Variants in SCAMP4 observed in about 807,000 individuals in gnomAD.
SCAMP4 encodes the protein secretory carrier-associated membrane protein 4.
In SCAMP4, 19 loss-of-function variants were observed where a neutral mutation model predicts 32.1. That is an observed-to-expected ratio of 0.59 (90% CI 0.41 to 0.87). SCAMP4 has a LOEUF of 0.87. SCAMP4 is among the 40% of genes least tolerant of loss of function. The pLI, the probability that SCAMP4 is intolerant of heterozygous loss-of-function variation, is 0.00. For synonymous variants in SCAMP4, 152 were observed against 132.7 expected (o/e 1.15, Z -1.00); for missense variants, 302 against 309.0 (o/e 0.98, Z 0.17).
At chr19:1,921,753 G>A in intron 5 of SCAMP4, 1 of 983,470 alleles carries the variant, frequency 1.0e-6, no homozygotes, top group Non-Finnish European at 1.2e-6. Context: ...CAAAGCAGGA[G>A]AATCACTGCT....
At chr19:1,909,613 G>T (rs923473738) in intron 1 of SCAMP4, among the ~76,000 whole-genome samples, 8 of 151,884 alleles carry the variant, frequency 5.3e-5, no homozygotes, top group Non-Finnish European at 1.2e-4. Context: ...CTGTGCCAGC[G>T]GCAGGGATGG....
Position 1,924,532 on chromosome 19 carries a change from T to G in SCAMP4, c.*248T>G. On this transcript the variant is annotated 3_prime_UTR_variant, in exon 7 of 7. Transcript: ENST00000316097. Reference sequence around the variant, plus strand: ...CCTCTGCCGTCCACAGGACGCCCTCTTGCTCCCGGAAACGTGTGGTCACCC... The same window carrying G: ...CCTCTGCCGTCCACAGGACGCCCTCGTGCTCCCGGAAACGTGTGGTCACCC... The G allele has an allele frequency of 1.9e-6, 1 of 528,866 alleles. No homozygotes were observed. Among genetic ancestry groups the G allele is most frequent in the Non-Finnish European group, 3.5e-6 (1 of 289,510 alleles). 32.8% of individuals were successfully genotyped at this position (528,866 alleles called of 1,614,324 possible). A position where few individuals can be genotyped will look rare whatever the true frequency, so the allele number is the denominator to read the frequency against.
chr19:1,916,977 C>G (rs1018595086), intron 2 of SCAMP4, among the ~76,000 whole-genome samples: 2 of 152,198 alleles, frequency 1.3e-5, no homozygotes, highest in African/African-American at 4.8e-5. Context: ...AGTAGCAGGG[C>G]CCTGCATGAA....
intron 5 of SCAMP4, chr19:1,921,013 A>G: frequency 2.0e-6 from 2 of 985,404 alleles, no homozygotes; most frequent in South Asian, 9.4e-5. Context: ...ACAGAAGGTG[A>G]ACGCTCTTGA....
At position 1,914,470 on chromosome 19, in the gene SCAMP4, C is replaced by T. The variant is rs143471705; in HGVS notation, c.-41-509C>T. 88 of 171,414 alleles carry T rather than the reference C, an allele frequency of 5.1e-4. No homozygotes were observed. The East Asian group carries it at 7.1e-3, about 14-fold the overall frequency. 10.6% of individuals were successfully genotyped at this position (171,414 alleles called of 1,614,324 possible). A position where few individuals can be genotyped will look rare whatever the true frequency, so the allele number is the denominator to read the frequency against. On this transcript the variant is annotated intron_variant, in intron 1 of 6. Transcript: ENST00000316097. ...GCATGCCCCTGCTGGGCTGGCCCAC[C>T]TCCCGATGGCAGGTCCGCCCCCAGG...
chr19:1,912,504 G>A (rs1041657364), intron 1 of SCAMP4: 2 of 1,496,290 alleles, frequency 1.3e-6, no homozygotes, highest in Admixed American at 4.4e-5. Context: ...TCTGACCAGG[G>A]GCCAGTTCGA....
chr19:1,919,184 T>A (rs1304067245), intron 5 of SCAMP4, 194 bp downstream of exon 5: 19 of 1,424,540 alleles, frequency 1.3e-5, no homozygotes, highest in Non-Finnish European at 1.7e-5. Context: ...CACCCAGCCA[T>A]GGTTCGCGAT....
chr19:1,912,843 T>C, intron 1 of SCAMP4: 3 of 1,594,952 alleles, frequency 1.9e-6, no homozygotes, highest in Non-Finnish European at 2.6e-6. Flanking sequence ...CCCCGCCTGC[T>C]CCTTCGCCCC....
chr19:1,905,596 G>A (rs1283710033), intron 1 of SCAMP4, 157 bp downstream of exon 1: 2 of 168,752 alleles, frequency 1.2e-5, no homozygotes, highest in African/African-American at 4.8e-5. Context: ...TCTCGGGCGG[G>A]CCGGTGGGCG....
At chr19:1,912,767 C>G (rs762366523) in intron 1 of SCAMP4, 2 of 1,561,342 alleles carry the variant, frequency 1.3e-6, no homozygotes, top group Middle Eastern at 3.3e-4. Flanking sequence ...TCCTGCACGC[C>G]GTCATGGTGT....
Position 1,918,952 on chromosome 19 carries a change from C to A in SCAMP4, c.357C>A (p.Thr119=). The part of the protein sequence containing the change: ...FFIFGAQFVL[T]VIQAIGFSGW... ...TCTTCGGAGCCCAGTTTGTCCTGAC[C>A]GTCATCCAGGCGATTGGCTTCTCCG... is the stretch of plus-strand genomic sequence containing the variant. The change falls in exon 5 of 7, where the codon ACC becomes ACA. Residue 119 remains threonine (T), a synonymous_variant. Coordinates refer to ENST00000316097, the MANE Select transcript of SCAMP4 (RefSeq NM_079834.4). The A allele has an allele frequency of 6.2e-7, 1 of 1,612,424 alleles. No individual in the cohort carries two copies. Among genetic ancestry groups the A allele is most frequent in the Non-Finnish European group, 8.5e-7 (1 of 1,179,262 alleles).
rs2013267926 is a variant in SCAMP4 at position 1,908,601 on chromosome 19, A to G, written c.-42+3162A>G. 2.1e-6 allele frequency: 1 copy of G among 470,888 alleles called. No individual in the cohort carries two copies. Among genetic ancestry groups the G allele is most frequent in the African/African-American group, 2.0e-5 (1 of 50,092 alleles). 29.2% of individuals were successfully genotyped at this position (470,888 alleles called of 1,614,324 possible). On this transcript the variant is annotated intron_variant, in intron 1 of 6. Transcript: ENST00000316097. This position sits in a 1 kb window ranked among gnomAD's most constrained non-coding sequence, Gnocchi z 4.2. Reference sequence around the variant, plus strand: ...GCTTAGCCCCAGCACCATCTGAGGCAGTACTGTCTGCTAGAAATAACTGTG... The same window carrying G: ...GCTTAGCCCCAGCACCATCTGAGGCGGTACTGTCTGCTAGAAATAACTGTG...
chr19:1,908,465 TC>T lies in SCAMP4; in HGVS notation c.-42+3028del, dbSNP rs1314723806. 16 of 470,636 alleles carry T rather than the reference TC, an allele frequency of 3.4e-5. No individual in the cohort carries two copies. Among genetic ancestry groups the T allele is most frequent in the Non-Finnish European group, 6.2e-5 (14 of 226,970 alleles). 29.2% of individuals were successfully genotyped at this position (470,636 alleles called of 1,614,324 possible). Reference sequence around the variant, plus strand: ...CCACAGCTGCGCGGCTGCGAAATGATCCAGAGACACATCCCTGTCTGCGGGA... The same window carrying T: ...CCACAGCTGCGCGGCTGCGAAATGATCAGAGACACATCCCTGTCTGCGGGA... On this transcript the variant is annotated intron_variant, in intron 1 of 6. Coordinates refer to ENST00000316097, the MANE Select transcript of SCAMP4 (RefSeq NM_079834.4). This position sits in a 1 kb window ranked among gnomAD's most constrained non-coding sequence, Gnocchi z 4.2.
At chr19:1,919,571 A>G in intron 5 of SCAMP4, 1 of 504,722 alleles carries the variant, frequency 2.0e-6, no homozygotes, top group Non-Finnish European at 2.5e-6. Flanking sequence ...ATCTCAGCTC[A>G]CTGCAACCTC....
chr19:1,918,147 G>C lies in SCAMP4; in HGVS notation c.157G>C (p.Val53Leu), dbSNP rs367794381. ...LWMFYCATLG[V>L]NLIACLAWWI... The stretch of plus-strand genomic sequence containing the variant: ...CGCAGTTTACTGCGCCACCCTCGGC[G>C]TCAACCTCATTGCCTGCCTGGCCTG... The change falls in exon 4 of 7, where the codon GTC becomes CTC. Residue 53 changes from valine to leucine, a missense_variant. Transcript: ENST00000316097. 1.5e-5 allele frequency: 24 copies of C among 1,612,662 alleles called. No individual in the cohort carries two copies. Among genetic ancestry groups the C allele is most frequent in the Non-Finnish European group, 2.0e-5 (24 of 1,179,604 alleles).
chr19:1,923,294 G>C, intron 6 of SCAMP4, 107 bp downstream of exon 6: 2 of 938,974 alleles, frequency 2.1e-6, no homozygotes, highest in Non-Finnish European at 3.1e-6. Flanking sequence ...CTCTCCCCAC[G>C]GTGTCACGCA....
At chr19:1,913,552 GT>G (rs758065456) in intron 1 of SCAMP4, 36 of 224,328 alleles carry the variant, frequency 1.6e-4, no homozygotes, top group Non-Finnish European at 3.0e-4. Context: ...GCTGAGCCAC[GT>G]GTGGTCAGAG....
At chr19:1,907,161 T>G (rs1002729302) in intron 1 of SCAMP4, 1 of 150,450 alleles carries the variant, frequency 6.6e-6, no homozygotes, top group Non-Finnish European at 1.5e-5. Flanking sequence ...CCCTCCAGCC[T>G]GGGGGACAGA....
Position 1,923,173 on chromosome 19 carries a change from A to G in SCAMP4, c.499A>G (p.Ile167Val). Residue 167 changes from isoleucine to valine, a missense_variant, in exon 6 of 7, where the codon ATC (isoleucine) becomes GTC (valine). By Grantham distance (29) the Ile-to-Val change is conservative. Transcript: ENST00000316097. ...CTCCGTGTCGGCTGCCATGATGGCC[A>G]TCGCGATCATGAAGGTGAGTCCTCG... ...MFSVSAAMMAIAIMKVHRIYR... is the reference protein window; with the variant it reads ...MFSVSAAMMAVAIMKVHRIYR... 14 of 1,550,126 alleles carry G rather than the reference A, an allele frequency of 9.0e-6. No individual in the cohort carries two copies. The highest frequency in any genetic ancestry group is 1.2e-5 in the Non-Finnish European group (14 of 1,146,118).
Sources: allele counts gnomAD v4.1 joint callset (sites outside exome capture counted in the v4.1 genomes callset), GRCh38; gene constraint gnomAD v4.1.1; non-coding constraint Gnocchi (gnomAD v3.1); transcripts MANE v1.5; gene names NCBI Gene and HGNC (gene_info 2026-07-23, HGNC 2026-07-21).